TNFRSF8: variants seen among roughly 807,000 people sequenced by gnomAD.
TNFRSF8 encodes TNF receptor superfamily member 8.
In TNFRSF8, 26 loss-of-function variants were observed where a neutral mutation model predicts 70.8. The ratio of observed to expected loss-of-function variants is 0.37; its 90% CI spans 0.27 to 0.51. The LOEUF (loss-of-function observed/expected upper bound fraction) is 0.51. TNFRSF8 is among the 20% of genes least tolerant of loss of function. The pLI is 0.94. For missense variants in TNFRSF8, 720 were observed against 807.9 expected (o/e 0.89, Z 1.32); for synonymous variants, 356 against 339.2 (o/e 1.05, Z -0.54).
intron 2 of TNFRSF8, among the ~76,000 whole-genome samples, chr1:12,095,448 C>T (rs1209265458): frequency 6.6e-6 from 1 of 152,124 alleles, no homozygotes; most frequent in East Asian, 1.9e-4. Flanking sequence ...CCACGACACC[C>T]AGCTAATTTT....
At chr1:12,066,417 G>A (rs1239270368) in intron 1 of TNFRSF8, among the ~76,000 whole-genome samples, 2 of 147,288 alleles carry the variant, frequency 1.4e-5, no homozygotes, top group African/African-American at 2.5e-5. Context: ...GCAGTGGCAC[G>A]ATCTTGGCTC....
At chr1:12,130,839 G>A (rs1642034766) in intron 12 of TNFRSF8, among the ~76,000 whole-genome samples, 1 of 152,236 alleles carries the variant, frequency 6.6e-6, no homozygotes, top group Non-Finnish European at 1.5e-5. Context: ...AATAAGACTA[G>A]CAGATAGAAT....
At position 12,104,481 on chromosome 1, in the gene TNFRSF8, G is replaced by A. The variant is rs746581720; in HGVS notation, c.371G>A (p.Arg124His). Residue 124 changes from arginine to histidine, a missense_variant, in exon 4 of 15, where the codon CGC becomes CAC. Transcript: ENST00000263932. Reference protein sequence around the residue: ...CSTSAVNSCARCFFHSVCPAG... With the variant: ...CSTSAVNSCAHCFFHSVCPAG... ...ACGTCTGCCGTCAACTCCTGTGCCC[G>A]CTGCTTCTTCCATTCTGTCTGTCCG... 2.5e-6 allele frequency: 4 copies of A among 1,614,140 alleles called. No individual in the cohort carries two copies. Among genetic ancestry groups the A allele is most frequent in the Non-Finnish European group, 3.4e-6 (4 of 1,180,024 alleles).
At chr1:12,137,558 GTTTTTT>G (rs57661698) in intron 13 of TNFRSF8, among the ~76,000 whole-genome samples, 3 of 135,208 alleles carry the variant, frequency 2.2e-5, no homozygotes, top group Non-Finnish European at 3.2e-5. Flanking sequence ...GTTTTTTTTT[GTTTTTT>G]TTTTGTTTTT....
Position 12,112,917 on chromosome 1 carries a change from C to G in TNFRSF8, c.793+903C>G, listed in dbSNP as rs994672130. Among the ~76,000 whole-genome samples the G allele has an allele frequency of 4.6e-5, 7 of 152,246 alleles. No individual in the cohort carries two copies. Among genetic ancestry groups the G allele is most frequent in the African/African-American group, 1.7e-4 (7 of 41,464 alleles). On this transcript the variant is annotated intron_variant, in intron 7 of 14. Coordinates refer to ENST00000263932, the MANE Select transcript of TNFRSF8 (RefSeq NM_001243.5). The surrounding 1 kb of genome is among the most constrained non-coding windows in gnomAD (Gnocchi z 5.3). ...TGTGTGTCTGTCTCCTTGTCCAGAGCTGCTTTTGGGCAGCAAAGCAGAGTG... is the reference window on the plus strand; with the variant it reads ...TGTGTGTCTGTCTCCTTGTCCAGAGGTGCTTTTGGGCAGCAAAGCAGAGTG...
At chr1:12,098,305 A>G (rs1450430703) in intron 3 of TNFRSF8, among the ~76,000 whole-genome samples, 2 of 152,216 alleles carry the variant, frequency 1.3e-5, no homozygotes, top group East Asian at 3.8e-4. Flanking sequence ...TTGAATTTCT[A>G]AAAGTAATGA....
chr1:12,134,032 T>A (rs917571065), intron 12 of TNFRSF8, among the ~76,000 whole-genome samples: 2 of 152,092 alleles, frequency 1.3e-5, no homozygotes, highest in African/African-American at 4.8e-5. Flanking sequence ...AGAGTGAGAC[T>A]CTGTCTCAAA....
chr1:12,079,953 T>A (rs916595168), intron 1 of TNFRSF8, among the ~76,000 whole-genome samples: 3 of 145,480 alleles, frequency 2.1e-5, no homozygotes, highest in African/African-American at 4.9e-5. Context: ...TTCTCTATTT[T>A]TTTTTTTTTT....
At position 12,109,872 on chromosome 1, in the gene TNFRSF8, C is replaced by T. The variant is rs1007600308; in HGVS notation, c.513-169C>T. ...CTGCCCTGAGCACATGGGAGACCCA[C>T]AGGGCTTAGAAAACACAGGCCTTGC... On this transcript the variant is annotated intron_variant, in intron 5 of 14. Transcript: ENST00000263932. This position sits in a 1 kb window ranked among gnomAD's most constrained non-coding sequence, Gnocchi z 4.4. Among the ~76,000 whole-genome samples the T allele has an allele frequency of 1.3e-5, 2 of 152,214 alleles. No individual in the cohort carries two copies. Among genetic ancestry groups the T allele is most frequent in the African/African-American group, 4.8e-5 (2 of 41,434 alleles).
intron 3 of TNFRSF8, 38 bp downstream of exon 3, chr1:12,097,255 G>A: frequency 6.7e-7 from 1 of 1,482,244 alleles, no homozygotes; most frequent in South Asian, 1.1e-5. Context: ...CTCCTTCTAG[G>A]GAGCATGAGG....
chr1:12,081,404 A>G (rs2297875), intron 1 of TNFRSF8, among the ~76,000 whole-genome samples: 91,525 of 151,922 alleles, frequency 0.6, 28,264 homozygotes, highest in African/African-American at 0.7. Context: ...GAACTCACCC[A>G]GTGAGATGCT....
At chr1:12,066,292 G>A (rs929049537) in intron 1 of TNFRSF8, among the ~76,000 whole-genome samples, 40 of 151,220 alleles carry the variant, frequency 2.6e-4, no homozygotes, top group African/African-American at 7.8e-4. Flanking sequence ...GTAAAGGTTC[G>A]GGAAGCTCGT....
At chr1:12,118,925 C>T (rs1233335273) in intron 8 of TNFRSF8, among the ~76,000 whole-genome samples, 12 of 152,090 alleles carry the variant, frequency 7.9e-5, no homozygotes, top group Non-Finnish European at 1.3e-4. Context: ...AGTGCAGTGA[C>T]GCGATCTTGG....
Position 12,119,278 on chromosome 1 carries a change from G to A in TNFRSF8, c.946+3549G>A, listed in dbSNP as rs1009117317. On this transcript the variant is annotated intron_variant, in intron 8 of 14. Transcript: ENST00000263932. The surrounding 1 kb of genome is among the most constrained non-coding windows in gnomAD (Gnocchi z 4.4). The stretch of plus-strand genomic sequence containing the variant: ...GTCTGCAAAAGTGTCCTGACTCCCT[G>A]ATTCCCTCTGTGCATCCCCCACCAG... Among the ~76,000 whole-genome samples, 1 of 152,176 alleles carries A rather than the reference G, an allele frequency of 6.6e-6. No individual in the cohort carries two copies. The highest frequency in any genetic ancestry group is 1.5e-5 in the Non-Finnish European group (1 of 68,044).
Position 12,069,167 on chromosome 1 carries a change from G to T in TNFRSF8, c.63+5506G>T, listed in dbSNP as rs538737828. Among the ~76,000 whole-genome samples, 815 of 127,240 alleles carry T rather than the reference G, an allele frequency of 6.4e-3. 13 individuals are homozygous for T. The highest frequency in any genetic ancestry group is 0.024 in the African/African-American group (782 of 33,054). The allele number at this position is 127,240 out of a possible 152,430, so 83.5% of individuals were successfully genotyped here. On this transcript the variant is annotated intron_variant, in intron 1 of 14. Transcript: ENST00000263932. ...ATTACAGGCATGAGCCACTGCACCCGGCCTTTTTTTTTTTTTTTTTTTTTT... is the reference window on the plus strand; with the variant it reads ...ATTACAGGCATGAGCCACTGCACCCTGCCTTTTTTTTTTTTTTTTTTTTTT...
rs1476348110 is a variant in TNFRSF8, at chr1:12,088,322, C to A, written c.151+3771C>A. Among the ~76,000 whole-genome samples, 4 of 107,202 alleles carry A rather than the reference C, an allele frequency of 3.7e-5. No homozygotes were observed. Among genetic ancestry groups the A allele is most frequent in the Non-Finnish European group, 7.8e-5 (4 of 51,544 alleles). 70.3% of individuals were successfully genotyped at this position (107,202 alleles called of 152,430 possible). ...GCTGGCCACTGTGCTGGGCCCTTTACCGACCTTAAGTTCCTTCAATCCTGA... is the reference window on the plus strand; with the variant it reads ...GCTGGCCACTGTGCTGGGCCCTTTAACGACCTTAAGTTCCTTCAATCCTGA... On this transcript the variant is annotated intron_variant, in intron 2 of 14. Transcript: ENST00000263932. The surrounding 1 kb of genome is among the most constrained non-coding windows in gnomAD (Gnocchi z 4.0).
rs1177990227 is a variant in TNFRSF8, at chr1:12,110,672, C to T, written c.676+468C>T. 6.6e-6 allele frequency among the ~76,000 whole-genome samples: 1 copy of T among 152,158 alleles called. No homozygotes were observed. Among genetic ancestry groups the T allele is most frequent in the East Asian group, 1.9e-4 (1 of 5,192 alleles). Reference sequence around the variant, plus strand: ...GGAGTGCAGTGGCGCAATCTCGGCTCACTGCCACCTCCACCTCCTGGGTTC... The same window carrying T: ...GGAGTGCAGTGGCGCAATCTCGGCTTACTGCCACCTCCACCTCCTGGGTTC... On this transcript the variant is annotated intron_variant, in intron 6 of 14. Transcript: ENST00000263932. The surrounding 1 kb of genome is among the most constrained non-coding windows in gnomAD (Gnocchi z 4.0).
At chr1:12,080,464 A>G in intron 1 of TNFRSF8, 1 of 524,634 alleles carries the variant, frequency 1.9e-6, no homozygotes, top group Non-Finnish European at 3.8e-6. Context: ...TCTTCATGGC[A>G]GACTCTGTGG....
At chr1:12,137,568 T>G (rs150427197) in intron 13 of TNFRSF8, among the ~76,000 whole-genome samples, 31 of 130,064 alleles carry the variant, frequency 2.4e-4, no homozygotes, top group African/African-American at 5.2e-4. Context: ...GTTTTTTTTT[T>G]GTTTTTTTTT....
Sources: allele counts gnomAD v4.1 joint callset (sites outside exome capture counted in the v4.1 genomes callset), GRCh38; gene constraint gnomAD v4.1.1; non-coding constraint Gnocchi (gnomAD v3.1); transcripts MANE v1.5; gene names NCBI Gene and HGNC (gene_info 2026-07-23, HGNC 2026-07-21).